The following RAD18 variants were observed in gnomAD, a reference collection of about 807,000 sequenced individuals.
RAD18 encodes RAD18 E3 ubiquitin protein ligase, also known as E3 ubiquitin-protein ligase RAD18.
Under a neutral mutation model 60.4 loss-of-function variants are expected in RAD18, and 47 were observed. That is an observed-to-expected ratio of 0.78 (90% CI 0.62 to 0.99). RAD18 has a LOEUF of 0.99. RAD18 is among the 50% of genes least tolerant of loss of function. The probability of loss-of-function intolerance (pLI) is 0.00; values close to 1 mark genes in which losing one functional copy is unlikely to be tolerated. For missense variants in RAD18, 640 were observed against 593.3 expected (o/e 1.08, Z -0.82); for synonymous variants, 225 against 195.5 (o/e 1.15, Z -1.26).
intron 11 of RAD18, among the ~76,000 whole-genome samples, chr3:8,897,518 C>T (rs1472246098): frequency 2.0e-5 from 3 of 152,166 alleles, no homozygotes; most frequent in East Asian, 1.9e-4. Flanking sequence ...ACCCTGAGAA[C>T]GCCCAGTTGG....
chr3:8,942,922 T>C lies in RAD18; in HGVS notation c.267-1118A>G, dbSNP rs533228927. 2.6e-5 allele frequency among the ~76,000 whole-genome samples: 4 copies of C among 152,314 alleles called. 1 individual carries two copies. In the East Asian group the frequency reaches 5.8e-4, roughly 22 times the overall value. On this transcript the variant is annotated intron_variant, in intron 4 of 12. Coordinates refer to ENST00000264926, the MANE Select transcript of RAD18 (RefSeq NM_020165.4). ...AGTGCTGGAAAGTTAGTTGTTCGCA[T>C]TGGAGCCCAGCCAAAGCTGAGAAAT...
At chr3:8,917,578 G>C (rs1010234593) in intron 7 of RAD18, among the ~76,000 whole-genome samples, 1 of 152,022 alleles carries the variant, frequency 6.6e-6, no homozygotes, top group Admixed American at 6.6e-5. Context: ...TTACTTGACT[G>C]TAACTAATGA....
chr3:8,929,320 G>A (rs1387713534), intron 7 of RAD18, among the ~76,000 whole-genome samples: 4 of 151,938 alleles, frequency 2.6e-5, no homozygotes, highest in African/African-American at 7.2e-5. Flanking sequence ...TTAGAAAAAC[G>A]AGAAAAATTA....
chr3:8,929,756 C>A (rs893635212), intron 7 of RAD18, among the ~76,000 whole-genome samples: 3 of 151,986 alleles, frequency 2.0e-5, no homozygotes, highest in Non-Finnish European at 4.4e-5. Flanking sequence ...ATTCTCCTGT[C>A]TCAGCCTCCT....
At position 8,879,788 on chromosome 3, in the gene RAD18, C is replaced by T. The variant is rs1015613096; in HGVS notation, c.*1569G>A. ...CAGCACAGTGACAGACATAGATAAC[C>T]AAATATTTGCTGAATGAACTCATGT... On this transcript the variant is annotated 3_prime_UTR_variant, in exon 13 of 13. Transcript: ENST00000264926. The T allele has an allele frequency of 2.6e-5, 4 of 152,206 alleles. No homozygotes were observed. The highest frequency in any genetic ancestry group is 2.6e-4 in the Admixed American group (4 of 15,274). The allele number at this position is 152,206 out of a possible 1,614,324, so 9.4% of individuals were successfully genotyped here.
intron 7 of RAD18, among the ~76,000 whole-genome samples, chr3:8,932,110 T>A (rs6443215): frequency 0.073 from 11,180 of 152,150 alleles, 1,322 homozygotes; most frequent in African/African-American, 0.25. Flanking sequence ...TTTGTTGACA[T>A]GCAACACAAT....
intron 2 of RAD18, among the ~76,000 whole-genome samples, chr3:8,951,924 G>A (rs9811253): frequency 8.1e-4 from 124 of 152,284 alleles, no homozygotes; most frequent in African/African-American, 2.8e-3. Flanking sequence ...TGCTCACTGC[G>A]TCCTCCCATG....
intron 4 of RAD18, among the ~76,000 whole-genome samples, chr3:8,944,961 A>G (rs1292780411): frequency 6.6e-6 from 1 of 152,240 alleles, no homozygotes; most frequent in Non-Finnish European, 1.5e-5. Context: ...CTAATCACAG[A>G]GCAAAAATGT....
chr3:8,898,604 T>C (rs2125049912), intron 11 of RAD18, among the ~76,000 whole-genome samples: 1 of 152,262 alleles, frequency 6.6e-6, no homozygotes, highest in East Asian at 1.9e-4. Context: ...TTACTCATCG[T>C]CTTGACAAAA....
chr3:8,954,048 A>G (rs1940969700), intron 2 of RAD18, among the ~76,000 whole-genome samples: 1 of 152,214 alleles, frequency 6.6e-6, no homozygotes, highest in African/African-American at 2.4e-5. Context: ...GGCAGAGGAG[A>G]AGAGAAATAG....
intron 9 of RAD18, 138 bp from the exon 10 acceptor site, chr3:8,902,658 G>T: frequency 1.3e-6 from 1 of 779,490 alleles, no homozygotes; most frequent in Non-Finnish European, 1.9e-6. Flanking sequence ...TCAGGAGCCT[G>T]AAGTGAATGG....
chr3:8,879,360 A>T lies in RAD18; in HGVS notation c.*1997T>A, dbSNP rs1197203669. The T allele has an allele frequency of 6.6e-6, 1 of 152,216 alleles. No individual in the cohort carries two copies. The highest frequency in any genetic ancestry group is 1.5e-5 in the Non-Finnish European group (1 of 68,048). 9.4% of individuals were successfully genotyped at this position (152,216 alleles called of 1,614,324 possible). ...CCCTGATCCAATGACTGCTGTCCCT[A>T]CAAGAAATCGGGACACCAGTCCTGC... On this transcript the variant is annotated 3_prime_UTR_variant, in exon 13 of 13. Coordinates refer to ENST00000264926, the MANE Select transcript of RAD18 (RefSeq NM_020165.4).
Position 8,963,461 on chromosome 3 carries a change from C to T in RAD18, c.-76G>A. ...CCAACACCACTCGAAATTCCCCGCG[C>T]TACCGCATTACGTCAGCAGCCCGCG... On this transcript the variant is annotated 5_prime_UTR_variant, in exon 1 of 13. It removes the in-frame stop codon of an upstream open reading frame in the 5' UTR. Transcript: ENST00000264926. 2 of 1,389,020 alleles carry T rather than the reference C, an allele frequency of 1.4e-6. No individual in the cohort carries two copies. Among genetic ancestry groups the T allele is most frequent in the South Asian group, 2.6e-5 (2 of 78,256 alleles). The allele number at this position is 1,389,020 out of a possible 1,614,324, so 86.0% of individuals were successfully genotyped here. A position where few individuals can be genotyped will look rare whatever the true frequency, so the allele number is the denominator to read the frequency against.
At chr3:8,902,038 G>C (rs1939921237) in intron 10 of RAD18, among the ~76,000 whole-genome samples, 1 of 152,128 alleles carries the variant, frequency 6.6e-6, no homozygotes, top group African/African-American at 2.4e-5. Context: ...AAACACCAGT[G>C]TTCTATCACA....
chr3:8,936,007 G>A lies in RAD18; in HGVS notation c.753C>T (p.Leu251=). The change falls in exon 7 of 13, where the codon CTC becomes CTT. Residue 251 remains leucine (L), a synonymous_variant. Transcript: ENST00000264926. The part of the protein sequence containing the change: ...KPLPKTVYNL[L]SDRDLKKKLK... ...GCTTTTTCTTTAAATCACGATCAGA[G>A]AGCAAATTATATACAGTTTTGGGCA... The A allele has an allele frequency of 1.2e-6, 2 of 1,609,794 alleles. No homozygotes were observed. Among genetic ancestry groups the A allele is most frequent in the Non-Finnish European group, 8.5e-7 (1 of 1,177,794 alleles).
intron 7 of RAD18, among the ~76,000 whole-genome samples, chr3:8,914,301 C>T (rs953419283): frequency 6.6e-6 from 1 of 152,156 alleles, no homozygotes; most frequent in Non-Finnish European, 1.5e-5. Context: ...CATCCAAAGT[C>T]AATACATTAA....
At chr3:8,929,497 T>TAG (rs1433092073) in intron 7 of RAD18, among the ~76,000 whole-genome samples, 3 of 152,104 alleles carry the variant, frequency 2.0e-5, no homozygotes, top group African/African-American at 7.2e-5. Flanking sequence ...TTCAACAACT[T>TAG]AGATGAAATG....
chr3:8,915,134 C>A (rs1320779141), intron 7 of RAD18, among the ~76,000 whole-genome samples: 2 of 118,240 alleles, frequency 1.7e-5, no homozygotes, highest in East Asian at 4.5e-4. Context: ...AGCGACAAAG[C>A]GAGACTCCGT....
In RAD18 at chr3:8,902,412, T is replaced by G; in HGVS notation, c.1136A>C (p.Glu379Ala). The change falls in exon 10 of 13, where the codon GAA becomes GCA. Residue 379 changes from glutamate (E) to alanine (A), a missense_variant. Glu to Ala is a moderately radical substitution (Grantham distance 107, BLOSUM62 -1). Coordinates refer to ENST00000264926, the MANE Select transcript of RAD18 (RefSeq NM_020165.4). ...TACAGAAGATAGCTTTTCTGTAGAT[T>G]CATCTTCTTTTGTTATTGTTACTGT... The part of the protein sequence containing the change: ...QKTVTITKED[E>A]STEKLSSVCM... 1 of 1,608,900 alleles carries G rather than the reference T, an allele frequency of 6.2e-7. No individual in the cohort carries two copies. The highest frequency in any genetic ancestry group is 1.3e-5 in the African/African-American group (1 of 74,690).
Sources: gnomAD v4.1 joint callset for allele counts (sites outside exome capture counted in the v4.1 genomes callset) on GRCh38, gnomAD v4.1.1 for gene constraint, MANE v1.5 for transcripts, NCBI Gene and HGNC (gene_info 2026-07-23, HGNC 2026-07-21) for gene names.